The following PRELID2 variants were observed in gnomAD, a reference collection of about 807,000 sequenced individuals.
The protein encoded by PRELID2 is PRELI domain containing 2.
In PRELID2, 25 loss-of-function variants were observed where a neutral mutation model predicts 28.4. The observed-to-expected ratio is 0.88, with a 90% confidence interval of 0.64 to 1.23. The LOEUF is 1.23. Among genes scored for constraint, PRELID2 ranks in the 50% most tolerant of loss-of-function variants. PRELID2 has a pLI of 0.00. For synonymous variants in PRELID2, 76 were observed against 71.6 expected, an observed-to-expected ratio of 1.06 and a Z score of -0.31; for missense variants, 201 against 214.4, an observed-to-expected ratio of 0.94 and a Z score of 0.39.
the PRELID2 span, among the ~76,000 whole-genome samples, chr5:145,391,581 C>T: frequency 6.6e-6 from 1 of 152,156 alleles, no homozygotes; most frequent in Admixed American, 6.5e-5. Flanking sequence ...CTCTGACATG[C>T]CCTGGAGATA....
chr5:145,379,721 C>T, the PRELID2 span, among the ~76,000 whole-genome samples: 1 of 152,018 alleles, frequency 6.6e-6, no homozygotes, highest in Non-Finnish European at 1.5e-5. Context: ...TGCTGTGGGC[C>T]AAGGGGAAGC....
intron 1 of PRELID2, among the ~76,000 whole-genome samples, chr5:145,563,506 A>C (rs925519170): frequency 9.9e-5 from 15 of 152,130 alleles, no homozygotes; most frequent in African/African-American, 3.6e-4. Context: ...TCAACCTTAA[A>C]CTTTCCAGAT....
chr5:145,390,020 T>G, the PRELID2 span, among the ~76,000 whole-genome samples: 1 of 152,212 alleles, frequency 6.6e-6, no homozygotes, highest in Non-Finnish European at 1.5e-5. Flanking sequence ...CATGAAATCT[T>G]GAAACAAATC....
chr5:145,544,748 T>C (rs565640226), intron 1 of PRELID2, among the ~76,000 whole-genome samples: 3 of 152,254 alleles, frequency 2.0e-5, no homozygotes, highest in African/African-American at 4.8e-5. Flanking sequence ...TTATGGAAGA[T>C]AACAGAATTC....
chr5:145,372,907 AAT>A, the PRELID2 span, among the ~76,000 whole-genome samples: 2 of 67,006 alleles, frequency 3.0e-5, no homozygotes, highest in African/African-American at 9.7e-5. Flanking sequence ...CAACATATAT[AAT>A]ATATATGATA....
At chr5:145,323,048 A>C in the PRELID2 span, among the ~76,000 whole-genome samples, 6 of 152,180 alleles carry the variant, frequency 3.9e-5, no homozygotes, top group African/African-American at 1.4e-4. Flanking sequence ...ATGTGCTAAG[A>C]AGCACACTAC....
chr5:145,446,689 A>G, the PRELID2 span, among the ~76,000 whole-genome samples: 1 of 152,240 alleles, frequency 6.6e-6, no homozygotes, highest in East Asian at 1.9e-4. Context: ...TTCATGAGCC[A>G]CATACCTGGA....
At chr5:145,802,437 C>G (rs747256553) in intron 4 of PRELID2, among the ~76,000 whole-genome samples, 5 of 151,862 alleles carry the variant, frequency 3.3e-5, no homozygotes, top group Non-Finnish European at 5.9e-5. Context: ...GACTAGCGCA[C>G]GGTAGGAAAT....
At chr5:145,729,994 C>T (rs957762043) in intron 1 of PRELID2, among the ~76,000 whole-genome samples, 1 of 152,032 alleles carries the variant, frequency 6.6e-6, no homozygotes, top group Non-Finnish European at 1.5e-5. Flanking sequence ...ATGGTTTAGC[C>T]TTTATATGGC....
intron 1 of PRELID2, among the ~76,000 whole-genome samples, chr5:145,739,338 T>C (rs1756584676): frequency 6.6e-6 from 1 of 152,070 alleles, no homozygotes; most frequent in East Asian, 1.9e-4. Flanking sequence ...ACCTCATCTC[T>C]ACTAAAAATA....
chr5:145,291,348 A>C, the PRELID2 span, among the ~76,000 whole-genome samples: 3 of 150,476 alleles, frequency 2.0e-5, no homozygotes, highest in African/African-American at 7.4e-5. Context: ...AAAAAAAAAA[A>C]AAAAAAAAAA....
chr5:145,600,122 T>C (rs1269055351), intron 1 of PRELID2, among the ~76,000 whole-genome samples: 6 of 143,052 alleles, frequency 4.2e-5, no homozygotes, highest in Admixed American at 1.4e-4. Flanking sequence ...AGAATCTCAA[T>C]TGAAGTTTAG....
intron 1 of PRELID2, among the ~76,000 whole-genome samples, chr5:145,710,933 A>G (rs1755676661): frequency 6.6e-6 from 1 of 152,252 alleles, no homozygotes; most frequent in Non-Finnish European, 1.5e-5. Context: ...CATTCAGCTA[A>G]GCACACAGGG....
At chr5:145,681,742 G>C (rs1436225315) in intron 1 of PRELID2, among the ~76,000 whole-genome samples, 2 of 152,144 alleles carry the variant, frequency 1.3e-5, no homozygotes, top group African/African-American at 4.8e-5. Flanking sequence ...TCTGGCTTCT[G>C]TTTCAACCCC....
chr5:145,453,865 T>C, the PRELID2 span, among the ~76,000 whole-genome samples: 8 of 152,216 alleles, frequency 5.3e-5, no homozygotes, highest in South Asian at 1.2e-3. Context: ...AGTCTATCAT[T>C]GATGGGCATT....
chr5:145,259,053 C>T, the PRELID2 span, among the ~76,000 whole-genome samples: 3 of 152,212 alleles, frequency 2.0e-5, no homozygotes, highest in Non-Finnish European at 4.4e-5. Flanking sequence ...AAGTGCAAGA[C>T]ATAAGCCTTG....
the PRELID2 span, among the ~76,000 whole-genome samples, chr5:145,459,047 C>T: frequency 9.9e-5 from 15 of 152,244 alleles, no homozygotes; most frequent in Non-Finnish European, 2.1e-4. Context: ...CATCAGCCAC[C>T]TAGGGTTCTA....
At chr5:145,669,872 G>T (rs900011713) in intron 1 of PRELID2, among the ~76,000 whole-genome samples, 2 of 152,090 alleles carry the variant, frequency 1.3e-5, no homozygotes, top group African/African-American at 4.8e-5. Flanking sequence ...CCTCAGAGAA[G>T]CCTTTCCTGA....
At chr5:145,262,245 G>A in the PRELID2 span, among the ~76,000 whole-genome samples, 208 of 152,056 alleles carry the variant, frequency 1.4e-3, no homozygotes, top group African/African-American at 4.8e-3. Flanking sequence ...TAAAAAAGAA[G>A]AGAAATCTAA....
Sources: allele counts gnomAD v4.1 joint callset (sites outside exome capture counted in the v4.1 genomes callset), GRCh38; gene constraint gnomAD v4.1.1; transcripts MANE v1.5; gene names NCBI Gene and HGNC (gene_info 2026-07-23, HGNC 2026-07-21).